MED13: variants seen among roughly 807,000 people sequenced by gnomAD.
The protein encoded by MED13 is mediator complex subunit 13, also known as mediator of RNA polymerase II transcription subunit 13.
In MED13, 23 loss-of-function variants were observed where a neutral mutation model predicts 225.2. That is an observed-to-expected ratio of 0.10 (90% CI 0.07 to 0.14). The LOEUF (loss-of-function observed/expected upper bound fraction) is 0.14, where lower values mean the gene tolerates loss of function less well. MED13 is among the 10% of genes least tolerant of loss of function. The probability of loss-of-function intolerance (pLI) is 1.00; values close to 1 mark genes in which losing one functional copy is unlikely to be tolerated. For synonymous variants in MED13, 942 were observed against 889.2 expected, an observed-to-expected ratio of 1.06 and a Z score of -1.06; for missense variants, 2,197 against 2,594.5, an observed-to-expected ratio of 0.85 and a Z score of 3.33.
chr17:62,020,387 T>C (rs1173862915), intron 8 of MED13, among the ~76,000 whole-genome samples: 1 of 152,072 alleles, frequency 6.6e-6, no homozygotes, highest in Non-Finnish European at 1.5e-5. Flanking sequence ...TGCTTTTTAT[T>C]TTTCTTTTTT....
At chr17:61,986,815 T>C (rs553013692) in intron 12 of MED13, among the ~76,000 whole-genome samples, 192 bp downstream of exon 12, 3 of 152,298 alleles carry the variant, frequency 2.0e-5, no homozygotes, top group Admixed American at 6.5e-5. Flanking sequence ...CCTCAAAGTT[T>C]ATAGATGACA....
At chr17:62,046,969 C>T (rs1446184962) in intron 3 of MED13, among the ~76,000 whole-genome samples, 2 of 151,708 alleles carry the variant, frequency 1.3e-5, no homozygotes, top group East Asian at 3.9e-4. Flanking sequence ...GATCCTCCCA[C>T]CTCAGTCTTC....
chr17:62,019,966 G>T (rs1000081897), intron 8 of MED13, among the ~76,000 whole-genome samples: 1 of 151,984 alleles, frequency 6.6e-6, no homozygotes, highest in Non-Finnish European at 1.5e-5. Context: ...GGATGGTCTC[G>T]ATCTCCTGAC....
chr17:62,049,223 G>C (rs1232650287), intron 3 of MED13, among the ~76,000 whole-genome samples: 1 of 152,030 alleles, frequency 6.6e-6, no homozygotes, highest in Non-Finnish European at 1.5e-5. Context: ...GGTAACAACA[G>C]GGATATTAAT....
chr17:61,991,422 C>T (rs2080297807), intron 11 of MED13, among the ~76,000 whole-genome samples: 1 of 152,096 alleles, frequency 6.6e-6, no homozygotes, highest in African/African-American at 2.4e-5. Flanking sequence ...TCACCACAAC[C>T]TCTGCCTCCT....
intron 28 of MED13, among the ~76,000 whole-genome samples, chr17:61,949,519 G>C (rs1235898331): frequency 6.6e-6 from 1 of 152,048 alleles, no homozygotes; most frequent in African/African-American, 2.4e-5. Flanking sequence ...GAATCGCTGT[G>C]CCCAGCCTGA....
intron 21 of MED13, 52 bp downstream of exon 21, chr17:61,962,700 C>A: frequency 6.6e-7 from 1 of 1,512,842 alleles, no homozygotes; most frequent in South Asian, 1.1e-5. Flanking sequence ...AAACTTCTGA[C>A]AACATTAAAC....
rs12952951 is a variant in MED13 at position 61,961,060 on chromosome 17, G to T, written c.5287C>A (p.Pro1763Thr). 6.2e-7 allele frequency: 1 copy of T among 1,613,884 alleles called. No individual in the cohort carries two copies. Among genetic ancestry groups the T allele is most frequent in the Non-Finnish European group, 8.5e-7 (1 of 1,179,954 alleles). The change falls in exon 23 of 30, where the codon CCT (proline) becomes ACT (threonine). Residue 1763 changes from proline to threonine, a missense_variant. By Grantham distance (38) the Pro-to-Thr change is conservative (BLOSUM62 -1). This residue lies in a region of MED13 where 457 missense variants were observed against 442.2 expected (regional missense o/e 1.03). Coordinates refer to ENST00000397786, the MANE Select transcript of MED13 (RefSeq NM_005121.3). Reference sequence around the variant, plus strand: ...TCCTTCACTGGAGCCAGAATAAAAGGAGGTGCATAAAGTCGAATACACTCT... The same window carrying T: ...TCCTTCACTGGAGCCAGAATAAAAGTAGGTGCATAAAGTCGAATACACTCT... Reference protein sequence around the residue: ...RPECIRLYAPPFILAPVKDKQ... With the variant: ...RPECIRLYAPTFILAPVKDKQ...
At chr17:62,040,330 C>T (rs2080842652) in intron 3 of MED13, among the ~76,000 whole-genome samples, 1 of 152,080 alleles carries the variant, frequency 6.6e-6, no homozygotes, top group Admixed American at 6.5e-5. Context: ...TGAGCTCACA[C>T]TACAATATCT....
At chr17:62,041,846 G>C (rs1350449881) in intron 3 of MED13, among the ~76,000 whole-genome samples, 1 of 152,196 alleles carries the variant, frequency 6.6e-6, no homozygotes, top group Non-Finnish European at 1.5e-5. Flanking sequence ...GCCTCCCAAA[G>C]TGCAGGGATT....
Position 62,031,516 on chromosome 17 carries a change from C to G in MED13, c.937G>C (p.Ala313Pro). Residue 313 changes from alanine (A) to proline (P), a missense_variant, in exon 6 of 30, where the codon GCT becomes CCT. Ala to Pro is a conservative substitution (Grantham distance 27, BLOSUM62 -1). This residue lies in a region of MED13 where 884 missense variants were observed against 918.5 expected (regional missense o/e 0.96). Transcript: ENST00000397786. ...GACATAGCAGGATCTCTTGTGGAAG[C>G]AGGCACTTGGTGGACACCCAAGCAA... Reference protein sequence around the residue: ...SSCLGVHQVPASTRDPAMSSV... With the variant: ...SSCLGVHQVPPSTRDPAMSSV... The G allele has an allele frequency of 6.2e-7, 1 of 1,613,942 alleles. No homozygotes were observed. Among genetic ancestry groups the G allele is most frequent in the Non-Finnish European group, 8.5e-7 (1 of 1,179,934 alleles).
Position 62,043,156 on chromosome 17 carries a change from CAAAAAAAAAAAAAAA to C in MED13, c.471-7563_471-7549del, listed in dbSNP as rs764530614. Among the ~76,000 whole-genome samples the C allele has an allele frequency of 5.6e-3, 178 of 31,702 alleles. 1 individual carries two copies. Among genetic ancestry groups the C allele is most frequent in the African/African-American group, 0.017 (166 of 9,496 alleles). 20.8% of individuals were successfully genotyped at this position (31,702 alleles called of 152,430 possible). On this transcript the variant is annotated intron_variant, in intron 3 of 29. Transcript: ENST00000397786. ...AGGAGACAAAGCAAGACCCTGTCTC[CAAAAAAAAAAAAAAA>C]AAAAAAAAAAAAAGAAAGAAAGAAA...
chr17:62,019,754 T>C (rs922381270), intron 8 of MED13, among the ~76,000 whole-genome samples: 3 of 151,700 alleles, frequency 2.0e-5, no homozygotes, highest in African/African-American at 7.3e-5. Context: ...TTCTTTTTTT[T>C]TTTTTTGAGA....
At chr17:61,987,737 C>G (rs1409676338) in intron 11 of MED13, among the ~76,000 whole-genome samples, 1 of 151,962 alleles carries the variant, frequency 6.6e-6, no homozygotes, top group African/African-American at 2.4e-5. Flanking sequence ...AATACACATA[C>G]ACATACTTGT....
Position 61,960,927 on chromosome 17 carries a change from C to T in MED13, c.5420G>A (p.Cys1807Tyr). Reference sequence around the variant, plus strand: ...TAAAAGTTCTCCATATAGATCTGTGCAAGATGCAAGAATCCACCTTTGATC... The same window carrying T: ...TAAAAGTTCTCCATATAGATCTGTGTAAGATGCAAGAATCCACCTTTGATC... ...SHDQRWILASCTDLYGELLET... is the reference protein window; with the variant it reads ...SHDQRWILASYTDLYGELLET... Residue 1807 changes from cysteine to tyrosine, a missense_variant, in exon 23 of 30, where the codon TGC becomes TAC. Around this residue, in one of 12 missense-constraint regions of MED13, gnomAD observed 78 missense variants for 82.1 expected, o/e 0.95. Coordinates refer to ENST00000397786, the MANE Select transcript of MED13 (RefSeq NM_005121.3). 6.2e-7 allele frequency: 1 copy of T among 1,613,712 alleles called. No homozygotes were observed. Among genetic ancestry groups the T allele is most frequent in the Non-Finnish European group, 8.5e-7 (1 of 1,179,886 alleles).
intron 9 of MED13, among the ~76,000 whole-genome samples, chr17:62,000,158 A>C (rs1457920627): frequency 6.6e-6 from 1 of 152,206 alleles, no homozygotes; most frequent in African/African-American, 2.4e-5. Context: ...AATAGCAATC[A>C]ATGGAAACAT....
At chr17:62,040,330 C>G (rs2080842652) in intron 3 of MED13, among the ~76,000 whole-genome samples, 1 of 152,080 alleles carries the variant, frequency 6.6e-6, no homozygotes, top group South Asian at 2.1e-4. Context: ...TGAGCTCACA[C>G]TACAATATCT....
intron 28 of MED13, among the ~76,000 whole-genome samples, chr17:61,950,407 A>T (rs2079886801): frequency 1.3e-5 from 2 of 150,496 alleles, no homozygotes; most frequent in South Asian, 4.2e-4. Context: ...TTTGAGACAG[A>T]GTCTCAGATA....
At chr17:61,987,812 T>C (rs2080261175) in intron 11 of MED13, among the ~76,000 whole-genome samples, 1 of 152,070 alleles carries the variant, frequency 6.6e-6, no homozygotes, top group African/African-American at 2.4e-5. Context: ...AATGCAGTGG[T>C]GCAATCACAC....
Sources: allele counts gnomAD v4.1 joint callset (sites outside exome capture counted in the v4.1 genomes callset), GRCh38; gene constraint gnomAD v4.1.1; regional missense constraint gnomAD v4.1.1; transcripts MANE v1.5; gene names NCBI Gene and HGNC (gene_info 2026-07-23, HGNC 2026-07-21).